COPS6: variants seen among roughly 807,000 people sequenced by gnomAD.
The protein encoded by COPS6 is COP9 signalosome complex subunit 6.
COPS6 carries 9 observed loss-of-function variants against 41.0 expected under a neutral mutation model. That is an observed-to-expected ratio of 0.22 (90% CI 0.13 to 0.38). The LOEUF is 0.38. Ranked by LOEUF, COPS6 falls within the 10% of genes least tolerant of loss-of-function variation. The pLI, the probability that COPS6 is intolerant of heterozygous loss-of-function variation, is 1.00. For synonymous variants in COPS6, 179 were observed against 162.9 expected (o/e 1.10, Z -0.75); for missense variants, 302 against 436.7 (o/e 0.69, Z 2.75).
At position 100,091,805 on chromosome 7, in the gene COPS6, G is replaced by A. The variant is rs192102771; in HGVS notation, c.*16G>A. The A allele has an allele frequency of 4.3e-6, 7 of 1,614,066 alleles. No individual in the cohort carries two copies. Among genetic ancestry groups the A allele is most frequent in the Non-Finnish European group, 5.1e-6 (6 of 1,180,006 alleles). On this transcript the variant is annotated 3_prime_UTR_variant, in exon 10 of 10. Transcript: ENST00000303904. The surrounding 1 kb of genome is among the most constrained non-coding windows in gnomAD (Gnocchi z 4.1). ...CTTTTTCTGATGAGGGTACTTGAAGGGCTGATGGACAGGGGTCAGGCAACT... is the reference window on the plus strand; with the variant it reads ...CTTTTTCTGATGAGGGTACTTGAAGAGCTGATGGACAGGGGTCAGGCAACT...
In COPS6 at chr7:100,091,331, G is replaced by A; in HGVS notation, c.742+1G>A. 2 of 1,614,140 alleles carry A rather than the reference G, an allele frequency of 1.2e-6. No individual in the cohort carries two copies. Among genetic ancestry groups the A allele is most frequent in the Non-Finnish European group, 1.7e-6 (2 of 1,179,986 alleles). On this transcript the variant is annotated splice_donor_variant, in intron 8 of 9. Coordinates refer to ENST00000303904, the MANE Select transcript of COPS6 (RefSeq NM_006833.5). LOFTEE classifies it high-confidence loss of function. The surrounding 1 kb of genome is among the most constrained non-coding windows in gnomAD (Gnocchi z 4.1). ...GAGTACGTCAAGGCCTCTGAAGCGG[G>A]TAGGACAGGGGCTTCCCTGGCATTC...
intron 3 of COPS6, 76 bp downstream of exon 3, chr7:100,089,822 G>C: frequency 7.6e-6 from 11 of 1,445,954 alleles, no homozygotes; most frequent in African/African-American, 2.8e-5. Context: ...GATGGAGAGG[G>C]TTGGAAAGAA....
chr7:100,091,656 A>G lies in COPS6; in HGVS notation c.851A>G (p.Asn284Ser), dbSNP rs771547851. ...KFKTDFYDQC[N>S]DVGLMAYLGT... is the part of the protein sequence containing the mutation. ...CTTTCTGTTCCCTCCCAGCAATGCA[A>G]CGACGTGGGGCTCATGGCCTACCTC... Residue 284 changes from asparagine (N) to serine (S), a missense_variant, in exon 10 of 10, where the codon AAC (asparagine) becomes AGC (serine). Around this residue, in one of 3 missense-constraint regions of COPS6, gnomAD observed 222 missense variants for 309.0 expected, o/e 0.72. Coordinates refer to ENST00000303904, the MANE Select transcript of COPS6 (RefSeq NM_006833.5). The surrounding 1 kb of genome is among the most constrained non-coding windows in gnomAD (Gnocchi z 4.1). The G allele has an allele frequency of 6.2e-6, 10 of 1,614,124 alleles. No homozygotes were observed. Among genetic ancestry groups the G allele is most frequent in the Non-Finnish European group, 3.4e-6 (4 of 1,180,056 alleles).
chr7:100,091,918 G>T lies in COPS6; in HGVS notation c.*129G>T. 8.2e-7 allele frequency: 1 copy of T among 1,216,390 alleles called. No individual in the cohort carries two copies. The highest frequency in any genetic ancestry group is 1.2e-6 in the Non-Finnish European group (1 of 865,228). The allele number at this position is 1,216,390 out of a possible 1,614,324, so 75.3% of individuals were successfully genotyped here. Reference sequence around the variant, plus strand: ...CAGCCCCTGAGCACCCCTGCTGGTGGCTCTGTCCTCTGTTAGGCACCACAC... The same window carrying T: ...CAGCCCCTGAGCACCCCTGCTGGTGTCTCTGTCCTCTGTTAGGCACCACAC... On this transcript the variant is annotated 3_prime_UTR_variant, in exon 10 of 10. Transcript: ENST00000303904. The surrounding 1 kb of genome is among the most constrained non-coding windows in gnomAD (Gnocchi z 4.1).
chr7:100,089,015 G>GCAGCTA lies in COPS6; in HGVS notation c.27_32dup (p.Ala10_Thr11dup), dbSNP rs1392319754. On this transcript the variant is annotated inframe_insertion, in exon 1 of 10. Transcript: ENST00000303904. Reference sequence around the variant, plus strand: ...AATGGCGGCGGCGGCGGCGGCGGCTGCAGCTACGAACGGGACCGGAGGAAG... The same window carrying GCAGCTA: ...AATGGCGGCGGCGGCGGCGGCGGCTGCAGCTACAGCTACGAACGGGACCGGAGGAAG... 2 of 1,317,452 alleles carry GCAGCTA rather than the reference G, an allele frequency of 1.5e-6. No homozygotes were observed. The highest frequency in any genetic ancestry group is 8.0e-5 in the Admixed American group (2 of 24,996). The allele number at this position is 1,317,452 out of a possible 1,614,324, so 81.6% of individuals were successfully genotyped here.
chr7:100,088,977 C>G lies in COPS6; in HGVS notation c.-14C>G. ...AGGAAGGGGGCGGGGCCGAGGCTGGCGGGCGCGGGGAAAATGGCGGCGGCG... is the reference window on the plus strand; with the variant it reads ...AGGAAGGGGGCGGGGCCGAGGCTGGGGGGCGCGGGGAAAATGGCGGCGGCG... On this transcript the variant is annotated 5_prime_UTR_variant, in exon 1 of 10. Coordinates refer to ENST00000303904, the MANE Select transcript of COPS6 (RefSeq NM_006833.5). The G allele has an allele frequency of 7.6e-7, 1 of 1,315,976 alleles. No homozygotes were observed. Among genetic ancestry groups the G allele is most frequent in the Non-Finnish European group, 9.7e-7 (1 of 1,030,952 alleles). The allele number at this position is 1,315,976 out of a possible 1,614,324, so 81.5% of individuals were successfully genotyped here.
At position 100,092,070 on chromosome 7, in the gene COPS6, T is replaced by C. The variant is rs889241032; in HGVS notation, c.*281T>C. On this transcript the variant is annotated 3_prime_UTR_variant, in exon 10 of 10. Transcript: ENST00000303904. ...CATGTCAGTCACATGGACTGGTCTT[T>C]AGCAAAGTCCAAGGCTGCCTGCTTC... 7 of 458,744 alleles carry C rather than the reference T, an allele frequency of 1.5e-5. No homozygotes were observed. The highest frequency in any genetic ancestry group is 1.5e-4 in the Admixed American group (4 of 27,410). 28.4% of individuals were successfully genotyped at this position (458,744 alleles called of 1,614,324 possible).
In COPS6 at chr7:100,091,136, T is replaced by C; in HGVS notation, c.633T>C (p.Ser211=). ...TAGCCCGAATGACAGCAACAGGCAG[T>C]GGAGAGAACTCCACTGGTAATGGAG... ...DHVARMTATG[S]GENSTVAEHL... is the part of the protein sequence containing the mutation. The change falls in exon 7 of 10, where the codon AGT becomes AGC. Residue 211 remains serine (S), a synonymous_variant. Transcript: ENST00000303904. This position sits in a 1 kb window ranked among gnomAD's most constrained non-coding sequence, Gnocchi z 4.1. 3.7e-6 allele frequency: 6 copies of C among 1,614,192 alleles called. No homozygotes were observed. The highest frequency in any genetic ancestry group is 5.1e-6 in the Non-Finnish European group (6 of 1,180,024).
rs761616256 is a variant in COPS6, at chr7:100,091,670, A to G, written c.865A>G (p.Met289Val). ...CCAGCAATGCAACGACGTGGGGCTCATGGCCTACCTCGGCACCATCACCAA... is the reference window on the plus strand; with the variant it reads ...CCAGCAATGCAACGACGTGGGGCTCGTGGCCTACCTCGGCACCATCACCAA... The part of the protein sequence containing the change: ...FYDQCNDVGL[M>V]AYLGTITKTC... The change falls in exon 10 of 10, where the codon ATG (methionine) becomes GTG (valine). Residue 289 changes from methionine to valine, a missense_variant. By Grantham distance (21) the Met-to-Val change is conservative. This residue lies in a region of COPS6 where 222 missense variants were observed against 309.0 expected (regional missense o/e 0.72). Coordinates refer to ENST00000303904, the MANE Select transcript of COPS6 (RefSeq NM_006833.5). The surrounding 1 kb of genome is among the most constrained non-coding windows in gnomAD (Gnocchi z 4.1). 7 of 1,614,226 alleles carry G rather than the reference A, an allele frequency of 4.3e-6. No homozygotes were observed. The highest frequency in any genetic ancestry group is 5.9e-6 in the Non-Finnish European group (7 of 1,180,038).
At chr7:100,089,938 A>G (rs775789863) in intron 3 of COPS6, 192 bp downstream of exon 3, 6 of 574,962 alleles carry the variant, frequency 1.0e-5, no homozygotes, top group Non-Finnish European at 1.8e-5. Flanking sequence ...GCAAAGGATG[A>G]GAGGAGACAG....
intron 5 of COPS6, 69 bp downstream of exon 5, chr7:100,090,723 T>G: frequency 6.5e-7 from 1 of 1,526,910 alleles, no homozygotes; most frequent in Non-Finnish European, 9.1e-7. Context: ...CACTCCTCTA[T>G]TGGGGAATGC....
At position 100,089,754 on chromosome 7, in the gene COPS6, T is replaced by G. The variant is rs754567578; in HGVS notation, c.334+8T>G. On this transcript the variant is annotated splice_region_variant and intron_variant, in intron 3 of 9. Transcript: ENST00000303904. ...ACACCAAGGAGGAGCAGTGTGAGAG[T>G]GGAATAGATGTGGGGAAGAGGAGTG... is the stretch of plus-strand genomic sequence containing the variant. 3 of 1,608,570 alleles carry G rather than the reference T, an allele frequency of 1.9e-6. No individual in the cohort carries two copies. The highest frequency in any genetic ancestry group is 1.4e-5 in the African/African-American group (1 of 73,308).
rs1366166825 is a variant in COPS6 at position 100,091,388 on chromosome 7, C to T, written c.743-32C>T. 6.2e-7 allele frequency: 1 copy of T among 1,612,576 alleles called. No homozygotes were observed. The highest frequency in any genetic ancestry group is 8.5e-7 in the Non-Finnish European group (1 of 1,178,580). On this transcript the variant is annotated intron_variant, in intron 8 of 9. Transcript: ENST00000303904. This position sits in a 1 kb window ranked among gnomAD's most constrained non-coding sequence, Gnocchi z 4.1. ...TCCCTCCTGGGGAAGTGACAGCATCCAAACTAATGTAGTCTCTTTTTGTGC... is the reference window on the plus strand; with the variant it reads ...TCCCTCCTGGGGAAGTGACAGCATCTAAACTAATGTAGTCTCTTTTTGTGC...
chr7:100,091,538 A>T lies in COPS6; in HGVS notation c.843+18A>T, dbSNP rs920409729. On this transcript the variant is annotated intron_variant, in intron 9 of 9. Coordinates refer to ENST00000303904, the MANE Select transcript of COPS6 (RefSeq NM_006833.5). The surrounding 1 kb of genome is among the most constrained non-coding windows in gnomAD (Gnocchi z 4.1). ...TTTATGATGTGAGTGTAAAACCCGGATGGGGAGGCGGGGCTTATGCTGTCA... is the reference window on the plus strand; with the variant it reads ...TTTATGATGTGAGTGTAAAACCCGGTTGGGGAGGCGGGGCTTATGCTGTCA... 3 of 1,613,650 alleles carry T rather than the reference A, an allele frequency of 1.9e-6. No homozygotes were observed. The African/African-American group carries it at 4.0e-5, about 22-fold the overall frequency.
rs1221148095 is a variant in COPS6 at position 100,091,404 on chromosome 7, CTT to C, written c.743-12_743-11del. On this transcript the variant is annotated splice_polypyrimidine_tract_variant and intron_variant, in intron 8 of 9. Coordinates refer to ENST00000303904, the MANE Select transcript of COPS6 (RefSeq NM_006833.5). This position sits in a 1 kb window ranked among gnomAD's most constrained non-coding sequence, Gnocchi z 4.1. ...GACAGCATCCAAACTAATGTAGTCT[CTT>C]TTTGTGCCTTTAGGAGAGGTCCCCT... 2.5e-6 allele frequency: 4 copies of C among 1,613,730 alleles called. No individual in the cohort carries two copies. The highest frequency in any genetic ancestry group is 4.5e-5 in the East Asian group (2 of 44,874).
intron 1 of COPS6, 80 bp downstream of exon 1, chr7:100,089,146 G>A (rs1795275867): frequency 1.3e-6 from 2 of 1,486,594 alleles, no homozygotes; most frequent in Non-Finnish European, 8.9e-7. Context: ...CGGGAGAAGG[G>A]AGGAGGGCGG....
At position 100,090,445 on chromosome 7, in the gene COPS6, A is replaced by AG; in HGVS notation, c.387dup (p.Pro130AlafsTer3). On this transcript the variant is annotated frameshift_variant, in exon 4 of 10. Coordinates refer to ENST00000303904, the MANE Select transcript of COPS6 (RefSeq NM_006833.5). LOFTEE classifies it high-confidence loss of function. ...TGGAGTTTCTGGGTTGGTATACCACAGGGGGGCCACCTGACCCCTCGGACA... is the reference window on the plus strand; with the variant it reads ...TGGAGTTTCTGGGTTGGTATACCACAGGGGGGGCCACCTGACCCCTCGGACA... The AG allele has an allele frequency of 6.2e-7, 1 of 1,614,006 alleles. No individual in the cohort carries two copies. The highest frequency in any genetic ancestry group is 2.2e-5 in the East Asian group (1 of 44,884).
In COPS6 at chr7:100,091,033, T is replaced by C; in HGVS notation, c.535-5T>C. ...TCTCCCTTTGTGGGTTACCTTGCCC[T>C]GTAGGCCACAATGCTGTTTGCTGAG... On this transcript the variant is annotated splice_polypyrimidine_tract_variant and splice_region_variant and intron_variant, in intron 6 of 9. Coordinates refer to ENST00000303904, the MANE Select transcript of COPS6 (RefSeq NM_006833.5). The surrounding 1 kb of genome is among the most constrained non-coding windows in gnomAD (Gnocchi z 4.1). The C allele has an allele frequency of 1.2e-6, 2 of 1,614,212 alleles. No individual in the cohort carries two copies. The highest frequency in any genetic ancestry group is 2.2e-5 in the East Asian group (1 of 44,890).
intron 6 of COPS6, 26 bp downstream of exon 6, chr7:100,090,975 G>T: frequency 5.6e-6 from 9 of 1,614,034 alleles, no homozygotes; most frequent in Non-Finnish European, 7.6e-6. Flanking sequence ...TCAACCCTCA[G>T]ATCCTGCTCT....
Sources: allele counts gnomAD v4.1 joint callset, GRCh38; gene constraint gnomAD v4.1.1; regional missense constraint gnomAD v4.1.1; non-coding constraint Gnocchi (gnomAD v3.1); transcripts MANE v1.5; gene names NCBI Gene and HGNC (gene_info 2026-07-23, HGNC 2026-07-21).